ADAMTSL1: variants seen among roughly 807,000 people sequenced by gnomAD.
The protein encoded by ADAMTSL1 is ADAMTS like 1.
In ADAMTSL1, 126 loss-of-function variants were observed where a neutral mutation model predicts 201.8. That is an observed-to-expected ratio of 0.62 (90% CI 0.54 to 0.72). ADAMTSL1 has a LOEUF of 0.72. Ranked by LOEUF, ADAMTSL1 falls within the 30% of genes least tolerant of loss-of-function variation. The probability of loss-of-function intolerance (pLI) is 0.00; values close to 1 mark genes in which losing one functional copy is unlikely to be tolerated. For synonymous variants in ADAMTSL1, 1,121 were observed against 903.4 expected (o/e 1.24, Z -4.32); for missense variants, 2,679 against 2,277.8 (o/e 1.18, Z -3.59).
intron 2 of ADAMTSL1, among the ~76,000 whole-genome samples, chr9:18,530,789 A>G (rs1474992069): frequency 6.6e-6 from 1 of 152,232 alleles, no homozygotes. Flanking sequence ...GATAAGTAAT[A>G]TCATCCCATT....
intron 2 of ADAMTSL1, among the ~76,000 whole-genome samples, chr9:18,181,667 G>A (rs1326871925): frequency 6.6e-6 from 1 of 151,986 alleles, no homozygotes; most frequent in Non-Finnish European, 1.5e-5. Context: ...GGAGAAATAG[G>A]AACACTTTTA....
At chr9:18,541,171 A>G (rs978671681) in intron 3 of ADAMTSL1, among the ~76,000 whole-genome samples, 2 of 152,202 alleles carry the variant, frequency 1.3e-5, no homozygotes, top group Admixed American at 1.3e-4. Flanking sequence ...CCTATCTTTC[A>G]GAGTCTGCAT....
At chr9:18,769,311 A>G (rs1397602998) in intron 16 of ADAMTSL1, among the ~76,000 whole-genome samples, 1 of 152,218 alleles carries the variant, frequency 6.6e-6, no homozygotes, top group Non-Finnish European at 1.5e-5. Context: ...CGCTTTTTAA[A>G]ACCAGGCTTG....
Position 18,895,689 on chromosome 9 carries a change from G to A in ADAMTSL1, c.4851+3093G>A, listed in dbSNP as rs188601907. On this transcript the variant is annotated intron_variant, in intron 26 of 28. Transcript: ENST00000380548. ...AAAGAAAGATCTGAGAAGACCTTACGCTTTCACCTCAGACTGATTACTATG... is the reference window on the plus strand; with the variant it reads ...AAAGAAAGATCTGAGAAGACCTTACACTTTCACCTCAGACTGATTACTATG... Among the ~76,000 whole-genome samples the A allele has an allele frequency of 1.1e-3, 168 of 152,210 alleles. 1 individual carries two copies. Among genetic ancestry groups the A allele is most frequent in the African/African-American group, 2.2e-3 (93 of 41,528 alleles).
intron 1 of ADAMTSL1, among the ~76,000 whole-genome samples, chr9:17,927,995 CTTTT>C (rs71333019): frequency 1.4e-4 from 21 of 149,672 alleles, no homozygotes; most frequent in Non-Finnish European, 1.2e-4. Flanking sequence ...TTCTTTCTTT[CTTTT>C]TTTTTTTTTT....
At chr9:18,200,606 T>A (rs1829400174) in intron 2 of ADAMTSL1, among the ~76,000 whole-genome samples, 1 of 152,060 alleles carries the variant, frequency 6.6e-6, no homozygotes, top group African/African-American at 2.4e-5. Flanking sequence ...CTGCCATAAT[T>A]GTTTACTGAG....
At chr9:18,054,251 A>C (rs1822069971) in intron 1 of ADAMTSL1, among the ~76,000 whole-genome samples, 1 of 152,222 alleles carries the variant, frequency 6.6e-6, no homozygotes, top group Non-Finnish European at 1.5e-5. Flanking sequence ...CCAAAGAATA[A>C]ATTTACACGC....
intron 5 of ADAMTSL1, among the ~76,000 whole-genome samples, chr9:18,626,286 G>T (rs1043007346): frequency 6.6e-6 from 1 of 152,158 alleles, no homozygotes; most frequent in Non-Finnish European, 1.5e-5. Context: ...CAGGAAATGG[G>T]TATAGGCTGC....
chr9:18,509,594 C>T (rs940171585), intron 2 of ADAMTSL1, among the ~76,000 whole-genome samples: 3 of 152,196 alleles, frequency 2.0e-5, no homozygotes, highest in Non-Finnish European at 2.9e-5. Flanking sequence ...AAACCCAATT[C>T]TGCTCCACAA....
intron 4 of ADAMTSL1, among the ~76,000 whole-genome samples, chr9:18,590,328 A>T (rs1823824807): frequency 6.6e-6 from 1 of 152,142 alleles, no homozygotes; most frequent in East Asian, 1.9e-4. Flanking sequence ...TAGTCTAATG[A>T]TCACTTATAT....
chr9:18,067,931 C>G (rs564707237), intron 1 of ADAMTSL1, among the ~76,000 whole-genome samples: 1 of 152,196 alleles, frequency 6.6e-6, no homozygotes, highest in East Asian at 1.9e-4. Flanking sequence ...GGTGGGCTGA[C>G]AGTGAGCACA....
intron 1 of ADAMTSL1, among the ~76,000 whole-genome samples, chr9:18,015,728 A>G (rs1315695425): frequency 6.6e-6 from 1 of 151,966 alleles, no homozygotes; most frequent in Non-Finnish European, 1.5e-5. Context: ...TTCCCACAAG[A>G]CCAGGGCTTC....
chr9:18,215,147 C>G (rs1380647715), intron 2 of ADAMTSL1, among the ~76,000 whole-genome samples: 1 of 152,068 alleles, frequency 6.6e-6, no homozygotes, highest in Admixed American at 6.5e-5. Flanking sequence ...TATAGTTTAT[C>G]ATTTATGATT....
intron 1 of ADAMTSL1, among the ~76,000 whole-genome samples, chr9:18,037,236 C>G (rs773788850): frequency 6.6e-6 from 1 of 152,132 alleles, no homozygotes; most frequent in Non-Finnish European, 1.5e-5. Context: ...CAAGGTGGGA[C>G]TTGTAGTCCC....
At chr9:18,663,268 G>C (rs1359038906) in intron 9 of ADAMTSL1, among the ~76,000 whole-genome samples, 1 of 152,074 alleles carries the variant, frequency 6.6e-6, no homozygotes, top group Non-Finnish European at 1.5e-5. Context: ...CCTCATAAAA[G>C]TGAACTCAGA....
Position 18,892,590 on chromosome 9 carries a change from G to A in ADAMTSL1, c.4845G>A (p.Trp1615Ter). The change falls in exon 26 of 29, where the codon TGG becomes TGA. Residue 1615 changes from tryptophan to a stop codon, truncating the protein, a stop_gained. Coordinates refer to ENST00000380548, the MANE Select transcript of ADAMTSL1 (RefSeq NM_001040272.6). LOFTEE classifies it high-confidence loss of function. ...QLCVEWAFSS[W>*]GQCNGPCIGP... ...GTGTGGAGTGGGCCTTCTCCAGCTG[G>A]GGCCAGGTGAGGAGCCAGAGAGGTT... 1 of 1,559,314 alleles carries A rather than the reference G, an allele frequency of 6.4e-7. No homozygotes were observed. The highest frequency in any genetic ancestry group is 8.7e-7 in the Non-Finnish European group (1 of 1,151,398).
intron 1 of ADAMTSL1, among the ~76,000 whole-genome samples, chr9:17,923,052 T>C (rs1023493575): frequency 4.6e-5 from 7 of 152,186 alleles, no homozygotes; most frequent in African/African-American, 9.6e-5. Context: ...AGCCTTGTAG[T>C]ATAGTTTGAA....
At chr9:17,930,080 T>A (rs1160722548) in intron 1 of ADAMTSL1, among the ~76,000 whole-genome samples, 1 of 152,210 alleles carries the variant, frequency 6.6e-6, no homozygotes, top group Non-Finnish European at 1.5e-5. Flanking sequence ...TATGTTCGTA[T>A]GTTATTTAAA....
chr9:18,281,357 A>G (rs752944431), intron 2 of ADAMTSL1, among the ~76,000 whole-genome samples: 1 of 152,140 alleles, frequency 6.6e-6, no homozygotes, highest in Non-Finnish European at 1.5e-5. Context: ...CTCCAGAGTC[A>G]GACACCGCAC....
Sources: allele counts gnomAD v4.1 joint callset (sites outside exome capture counted in the v4.1 genomes callset), GRCh38; gene constraint gnomAD v4.1.1; transcripts MANE v1.5; gene names NCBI Gene and HGNC (gene_info 2026-07-23, HGNC 2026-07-21).